Variants in PLCH1 observed in about 807,000 individuals in gnomAD.
PLCH1 encodes the protein 1-phosphatidylinositol 4,5-bisphosphate phosphodiesterase eta-1.
In PLCH1, 60 loss-of-function variants were observed where a neutral mutation model predicts 126.7. That is an observed-to-expected ratio of 0.47 (90% CI 0.38 to 0.59). PLCH1 has a LOEUF of 0.59. Among genes scored for constraint, PLCH1 ranks in the 20% least tolerant of loss-of-function variants. The probability of loss-of-function intolerance (pLI) is 0.00; values close to 1 mark genes in which losing one functional copy is unlikely to be tolerated. For missense variants in PLCH1, 1,723 were observed against 2,040.0 expected (o/e 0.84, Z 2.99); for synonymous variants, 719 against 734.9 (o/e 0.98, Z 0.35).
intron 21 of PLCH1, among the ~76,000 whole-genome samples, chr3:155,455,457 G>C (rs1180633341): frequency 6.6e-6 from 1 of 152,204 alleles, no homozygotes; most frequent in Non-Finnish European, 1.5e-5. Flanking sequence ...GTAGATAAAT[G>C]CTCCTAAGTG....
chr3:155,523,531 G>T (rs906929095), intron 11 of PLCH1, among the ~76,000 whole-genome samples: 3 of 152,162 alleles, frequency 2.0e-5, no homozygotes, highest in Non-Finnish European at 4.4e-5. Context: ...AGGGAGCATG[G>T]GGGGCTGCTA....
intron 21 of PLCH1, among the ~76,000 whole-genome samples, chr3:155,466,622 A>AT (rs1257981021): frequency 6.6e-6 from 1 of 152,230 alleles, no homozygotes; most frequent in African/African-American, 2.4e-5. Flanking sequence ...CCAGGAAAAC[A>AT]TTACCTCACC....
At chr3:155,684,354 A>G (rs1233696901) in intron 2 of PLCH1, among the ~76,000 whole-genome samples, 1 of 152,194 alleles carries the variant, frequency 6.6e-6, no homozygotes, top group Non-Finnish European at 1.5e-5. Flanking sequence ...CAGGCCACCC[A>G]AACTCAAAGG....
chr3:155,594,266 A>G, intron 3 of PLCH1, 82 bp from the exon 4 acceptor site: 1 of 1,265,022 alleles, frequency 7.9e-7, no homozygotes, highest in Admixed American at 2.0e-5. Flanking sequence ...GAAAAGCAAA[A>G]TCATTTTAAA....
At chr3:155,672,040 T>C (rs1329924464) in intron 2 of PLCH1, among the ~76,000 whole-genome samples, 1 of 152,082 alleles carries the variant, frequency 6.6e-6, no homozygotes, top group Non-Finnish European at 1.5e-5. Context: ...ATCATAAAAA[T>C]AAACCTACCA....
chr3:155,545,839 G>C (rs1345625754), intron 10 of PLCH1, among the ~76,000 whole-genome samples: 3 of 152,086 alleles, frequency 2.0e-5, no homozygotes, highest in Middle Eastern at 6.8e-3. Flanking sequence ...AATTCAACAA[G>C]CTTCATGCTA....
At chr3:155,591,996 C>T (rs1185245309) in intron 4 of PLCH1, among the ~76,000 whole-genome samples, 1 of 152,016 alleles carries the variant, frequency 6.6e-6, no homozygotes, top group Non-Finnish European at 1.5e-5. Context: ...AGGAGCCATG[C>T]ACCCAGCCTA....
intron 21 of PLCH1, among the ~76,000 whole-genome samples, chr3:155,455,445 T>A (rs911208645): frequency 2.6e-5 from 4 of 152,234 alleles, no homozygotes; most frequent in Non-Finnish European, 5.9e-5. Context: ...CAGCAGAGAA[T>A]GGTAGATAAA....
intron 12 of PLCH1, among the ~76,000 whole-genome samples, chr3:155,513,381 G>A (rs969126996): frequency 1.3e-5 from 2 of 152,188 alleles, no homozygotes; most frequent in Non-Finnish European, 2.9e-5. Flanking sequence ...TTCAGTGAAA[G>A]CAAAAGATAG....
chr3:155,490,215 C>G (rs1463376972), intron 19 of PLCH1, among the ~76,000 whole-genome samples: 1 of 151,950 alleles, frequency 6.6e-6, no homozygotes, highest in Non-Finnish European at 1.5e-5. Context: ...AATGTATGAA[C>G]AAACAAATTT....
chr3:155,564,212 G>A lies in PLCH1; in HGVS notation c.1069+703C>T, dbSNP rs542924382. Reference sequence around the variant, plus strand: ...ACTTACTCCTGTATACTCACCACCTGGAACCCACTAGAAGTTTAATAAATG... The same window carrying A: ...ACTTACTCCTGTATACTCACCACCTAGAACCCACTAGAAGTTTAATAAATG... On this transcript the variant is annotated intron_variant, in intron 8 of 22. Coordinates refer to ENST00000460012, the MANE Select transcript of PLCH1 (RefSeq NM_014996.4). Among the ~76,000 whole-genome samples, 9 of 152,234 alleles carry A rather than the reference G, an allele frequency of 5.9e-5. No homozygotes were observed. In the South Asian group the frequency reaches 1.9e-3, roughly 32 times the overall value.
At chr3:155,684,280 G>T (rs2109022620) in intron 2 of PLCH1, among the ~76,000 whole-genome samples, 1 of 152,160 alleles carries the variant, frequency 6.6e-6, no homozygotes, top group Admixed American at 6.5e-5. Flanking sequence ...GGGGGAAGCG[G>T]GTAGAGAGGA....
At chr3:155,603,517 A>C (rs1345982822) in intron 2 of PLCH1, among the ~76,000 whole-genome samples, 1 of 152,168 alleles carries the variant, frequency 6.6e-6, no homozygotes, top group African/African-American at 2.4e-5. Flanking sequence ...TTGTGGGCAC[A>C]AAGAAGGGAG....
At chr3:155,741,947 T>C (rs543570257) in intron 1 of PLCH1, among the ~76,000 whole-genome samples, 121 of 152,248 alleles carry the variant, frequency 7.9e-4, no homozygotes, top group African/African-American at 2.8e-3. Context: ...TGTAAGCAAA[T>C]AGGTGCACAT....
Position 155,482,498 on chromosome 3 carries a change from G to A in PLCH1, c.3528C>T (p.Val1176=). ...CCGGCTCATTCTCATTTGTTAAAGT[G>A]ACATTGTCAATAAGATGGGAAATTA... The part of the protein sequence containing the change: ...ESVISHLIDN[V]TLTNENEPGS... The change falls in exon 23 of 23, where the codon GTC becomes GTT. Residue 1176 remains valine, a synonymous_variant. Transcript: ENST00000460012. 1 of 1,614,116 alleles carries A rather than the reference G, an allele frequency of 6.2e-7. No individual in the cohort carries two copies. The highest frequency in any genetic ancestry group is 8.5e-7 in the Non-Finnish European group (1 of 1,180,002).
chr3:155,706,221 C>T (rs1401588844), intron 1 of PLCH1, among the ~76,000 whole-genome samples: 12 of 149,354 alleles, frequency 8.0e-5, no homozygotes, highest in Admixed American at 7.4e-4. Flanking sequence ...GGTGCAGTGG[C>T]TCACGCCTGT....
At chr3:155,567,882 T>TA (rs1379922088) in intron 7 of PLCH1, among the ~76,000 whole-genome samples, 1 of 152,164 alleles carries the variant, frequency 6.6e-6, no homozygotes, top group East Asian at 1.9e-4. Flanking sequence ...GTCTCAGGGA[T>TA]AACTTATTTT....
chr3:155,609,603 A>T (rs1333830111), intron 2 of PLCH1, among the ~76,000 whole-genome samples: 1 of 152,236 alleles, frequency 6.6e-6, no homozygotes, highest in Non-Finnish European at 1.5e-5. Flanking sequence ...AAGCTACTCA[A>T]GAAGATACCA....
intron 12 of PLCH1, among the ~76,000 whole-genome samples, chr3:155,512,180 AGG>A (rs1719667198): frequency 6.6e-6 from 1 of 151,904 alleles, no homozygotes; most frequent in Admixed American, 6.6e-5. Context: ...TGCGCTTCCC[AGG>A]TGAGGCAATG....
Sources: gnomAD v4.1 joint callset for allele counts (sites outside exome capture counted in the v4.1 genomes callset) on GRCh38, gnomAD v4.1.1 for gene constraint, MANE v1.5 for transcripts, NCBI Gene and HGNC (gene_info 2026-07-23, HGNC 2026-07-21) for gene names.